ST6GALNAC5: variants seen among roughly 807,000 people sequenced by gnomAD.
ST6GALNAC5 encodes the protein ST6 N-acetylgalactosaminide alpha-2,6-sialyltransferase 5.
In ST6GALNAC5, 27 loss-of-function variants were observed where a neutral mutation model predicts 33.6. The ratio of observed to expected loss-of-function variants is 0.80; its 90% CI spans 0.59 to 1.11. The LOEUF (loss-of-function observed/expected upper bound fraction) is 1.11, where lower values mean the gene tolerates loss of function less well. Ranked by LOEUF, ST6GALNAC5 falls within the 50% of genes least tolerant of loss-of-function variation. The pLI is 0.00. For missense variants in ST6GALNAC5, 428 were observed against 454.0 expected (o/e 0.94, Z 0.52); for synonymous variants, 194 against 171.2 (o/e 1.13, Z -1.04).
At chr1:76,924,457 C>A (rs941256018) in intron 2 of ST6GALNAC5, among the ~76,000 whole-genome samples, 1 of 152,112 alleles carries the variant, frequency 6.6e-6, no homozygotes, top group African/African-American at 2.4e-5. Flanking sequence ...ATAGATCAAA[C>A]TTTGTGTCTA....
At chr1:76,997,348 A>T (rs1219735103) in intron 2 of ST6GALNAC5, among the ~76,000 whole-genome samples, 2 of 152,180 alleles carry the variant, frequency 1.3e-5, no homozygotes, top group Non-Finnish European at 2.9e-5. Context: ...AAGGAACTCA[A>T]TAAGGTTGTG....
intron 2 of ST6GALNAC5, among the ~76,000 whole-genome samples, chr1:76,914,005 C>A (rs941523474): frequency 6.6e-6 from 1 of 152,150 alleles, no homozygotes; most frequent in Non-Finnish European, 1.5e-5. Context: ...TCTCAGGAAA[C>A]AAAATCAATG....
At chr1:76,990,782 G>A (rs1476295459) in intron 2 of ST6GALNAC5, among the ~76,000 whole-genome samples, 1 of 152,130 alleles carries the variant, frequency 6.6e-6, no homozygotes, top group African/African-American at 2.4e-5. Flanking sequence ...TTTAATAAAG[G>A]GACTACTAAT....
chr1:77,058,967 T>C (rs1320791435), intron 4 of ST6GALNAC5, among the ~76,000 whole-genome samples: 2 of 152,198 alleles, frequency 1.3e-5, no homozygotes, highest in African/African-American at 4.8e-5. Flanking sequence ...ACAAAATCAG[T>C]TGTCTCAAAC....
intron 2 of ST6GALNAC5, among the ~76,000 whole-genome samples, chr1:76,986,257 T>A (rs997481181): frequency 6.6e-6 from 1 of 152,140 alleles, no homozygotes; most frequent in Admixed American, 6.6e-5. Context: ...ATTTTTGCAA[T>A]CTACACATTT....
chr1:76,967,758 T>C (rs1001451402), intron 2 of ST6GALNAC5, among the ~76,000 whole-genome samples: 6 of 152,230 alleles, frequency 3.9e-5, no homozygotes, highest in African/African-American at 7.2e-5. Context: ...TTTAAATGTG[T>C]CCCAGAGATT....
intron 2 of ST6GALNAC5, among the ~76,000 whole-genome samples, chr1:76,966,956 C>A (rs540903770): frequency 6.6e-6 from 1 of 152,154 alleles, no homozygotes; most frequent in South Asian, 2.1e-4. Flanking sequence ...CTGACTTGAT[C>A]GTGGTGCATA....
intron 2 of ST6GALNAC5, among the ~76,000 whole-genome samples, chr1:76,877,542 G>T (rs1284854949): frequency 2.0e-5 from 3 of 152,168 alleles, no homozygotes; most frequent in Non-Finnish European, 2.9e-5. Context: ...CTTCACCTTA[G>T]AAGGAATATC....
intron 2 of ST6GALNAC5, among the ~76,000 whole-genome samples, chr1:76,968,883 T>C (rs1648615728): frequency 1.3e-5 from 2 of 152,220 alleles, no homozygotes; most frequent in African/African-American, 4.8e-5. Context: ...AAAATTCTTT[T>C]CTTTAAGAAT....
chr1:76,908,680 C>A (rs988268739), intron 2 of ST6GALNAC5, among the ~76,000 whole-genome samples: 1 of 152,118 alleles, frequency 6.6e-6, no homozygotes, highest in African/African-American at 2.4e-5. Context: ...CCTTCCACTC[C>A]CTTCACATAG....
intron 2 of ST6GALNAC5, among the ~76,000 whole-genome samples, chr1:77,034,738 A>T (rs1161224617): frequency 1.1e-4 from 16 of 152,254 alleles, no homozygotes; most frequent in Non-Finnish European, 1.5e-5. Context: ...GAGTGAGGGC[A>T]GCATGTCAAA....
intron 2 of ST6GALNAC5, among the ~76,000 whole-genome samples, chr1:76,892,183 AT>A (rs1654027718): frequency 1.3e-5 from 2 of 152,342 alleles, no homozygotes; most frequent in South Asian, 4.1e-4. Context: ...CAACTTGTAC[AT>A]GACAGTCTCA....
chr1:76,972,230 C>A (rs1245222786), intron 2 of ST6GALNAC5, among the ~76,000 whole-genome samples: 1 of 152,116 alleles, frequency 6.6e-6, no homozygotes, highest in African/African-American at 2.4e-5. Context: ...GGGAACTCCC[C>A]TTTAAAACCA....
At chr1:76,891,808 G>A (rs1419861588) in intron 2 of ST6GALNAC5, among the ~76,000 whole-genome samples, 2 of 152,110 alleles carry the variant, frequency 1.3e-5, no homozygotes, top group African/African-American at 4.8e-5. Context: ...ATATCCAGTT[G>A]TCCAAGCATA....
chr1:77,019,764 G>A (rs951705748), intron 2 of ST6GALNAC5, among the ~76,000 whole-genome samples: 10 of 152,188 alleles, frequency 6.6e-5, no homozygotes, highest in Non-Finnish European at 1.3e-4. Flanking sequence ...CACCTTGGGT[G>A]TGCCTGCCAC....
intron 2 of ST6GALNAC5, among the ~76,000 whole-genome samples, chr1:77,009,301 T>C (rs1180722934): frequency 1.3e-5 from 2 of 151,806 alleles, no homozygotes; most frequent in Non-Finnish European, 2.9e-5. Context: ...TGGTTGAGAG[T>C]AGATTTTGGT....
At chr1:77,051,058 C>G (rs1462723499) in intron 4 of ST6GALNAC5, among the ~76,000 whole-genome samples, 1 of 152,176 alleles carries the variant, frequency 6.6e-6, no homozygotes, top group Non-Finnish European at 1.5e-5. Context: ...TTTTTGGGAA[C>G]GCCTGATGGC....
At chr1:76,921,085 T>A (rs548856866) in intron 2 of ST6GALNAC5, among the ~76,000 whole-genome samples, 9 of 152,106 alleles carry the variant, frequency 5.9e-5, no homozygotes, top group African/African-American at 2.2e-4. Context: ...GAGACTTTAT[T>A]TAGAGTAGAC....
chr1:77,057,827 T>G (rs928372464), intron 4 of ST6GALNAC5, among the ~76,000 whole-genome samples: 1 of 152,178 alleles, frequency 6.6e-6, no homozygotes, highest in African/African-American at 2.4e-5. Flanking sequence ...GAAATGGAAG[T>G]GTCTTCCCTT....
Sources: gnomAD v4.1 joint callset for allele counts (sites outside exome capture counted in the v4.1 genomes callset) on GRCh38, gnomAD v4.1.1 for gene constraint, MANE v1.5 for transcripts, NCBI Gene and HGNC (gene_info 2026-07-23, HGNC 2026-07-21) for gene names.